ARL13B: variants seen among roughly 807,000 people sequenced by gnomAD.
ARL13B encodes ADP-ribosylation factor-like protein 13B.
A neutral mutation model predicts 56.1 loss-of-function variants in ARL13B; 36 were observed. The ratio of observed to expected loss-of-function variants is 0.64; its 90% CI spans 0.49 to 0.85. The LOEUF is 0.85. Ranked by LOEUF, ARL13B falls within the 40% of genes least tolerant of loss-of-function variation. The probability of loss-of-function intolerance (pLI) is 0.00; values close to 1 mark genes in which losing one functional copy is unlikely to be tolerated. For missense variants in ARL13B, 519 were observed against 507.1 expected, an observed-to-expected ratio of 1.02 and a Z score of -0.23; for synonymous variants, 178 against 171.1, an observed-to-expected ratio of 1.04 and a Z score of -0.32.
intron 1 of ARL13B, among the ~76,000 whole-genome samples, chr3:93,981,453 C>G (rs1188005544): frequency 6.6e-6 from 1 of 151,862 alleles, no homozygotes; most frequent in African/African-American, 2.4e-5. Context: ...AAAAGCTACA[C>G]TTACACATTA....
chr3:94,019,763 C>T (rs1468291314), intron 3 of ARL13B, among the ~76,000 whole-genome samples: 1 of 152,210 alleles, frequency 6.6e-6, no homozygotes, highest in Admixed American at 6.5e-5. Flanking sequence ...GACCTCACCT[C>T]CTACAACTCT....
intron 2 of ARL13B, among the ~76,000 whole-genome samples, chr3:93,997,195 C>T (rs574296784): frequency 2.0e-5 from 3 of 152,116 alleles, no homozygotes; most frequent in African/African-American, 7.2e-5. Context: ...AAATAAAGTG[C>T]ACAATAAATG....
Position 94,050,910 on chromosome 3 carries a change from G to A in ARL13B, c.1210+18G>A, listed in dbSNP as rs1333022092. The A allele has an allele frequency of 1.9e-6, 3 of 1,608,416 alleles. No homozygotes were observed. The highest frequency in any genetic ancestry group is 2.6e-6 in the Non-Finnish European group (3 of 1,175,800). ...TCATAATGGTAATGCAAAAGGATTG[G>A]TTTTCAGATATCATCTGTACATGTC... On this transcript the variant is annotated intron_variant, in intron 9 of 9. Transcript: ENST00000394222.
At chr3:94,005,825 AAGAT>A (rs770839220) in intron 3 of ARL13B, among the ~76,000 whole-genome samples, 5 of 152,214 alleles carry the variant, frequency 3.3e-5, no homozygotes, top group Non-Finnish European at 4.4e-5. Context: ...GTAAATTTCA[AAGAT>A]AGAGGGAAAG....
At chr3:94,001,694 C>T (rs992958961) in intron 2 of ARL13B, among the ~76,000 whole-genome samples, 13 of 152,048 alleles carry the variant, frequency 8.5e-5, no homozygotes, top group Non-Finnish European at 1.5e-4. Flanking sequence ...ATCTTTGCAC[C>T]CTTGATGCCT....
intron 3 of ARL13B, among the ~76,000 whole-genome samples, chr3:94,004,424 A>G (rs963667012): frequency 6.6e-6 from 1 of 152,136 alleles, no homozygotes; most frequent in African/African-American, 2.4e-5. Context: ...CATGTGGGTG[A>G]ACATTTTTTA....
At chr3:94,031,873 A>G (rs2076682476) in intron 3 of ARL13B, among the ~76,000 whole-genome samples, 1 of 152,334 alleles carries the variant, frequency 6.6e-6, no homozygotes, top group South Asian at 2.1e-4. Flanking sequence ...TTCAATTGCC[A>G]TATGCAGAAG....
At position 93,980,167 on chromosome 3, in the gene ARL13B, C is replaced by T. The variant is rs73846074; in HGVS notation, c.-257C>T. ...ACGTCGACGCGGGGCTTTTCTTTAG[C>T]CGGGTCCCGCTAACTCGGCTACGGT... is the stretch of plus-strand genomic sequence containing the variant. On this transcript the variant is annotated 5_prime_UTR_variant, in exon 1 of 10. Transcript: ENST00000394222. The T allele has an allele frequency of 2.5e-3, 1,606 of 642,868 alleles. 7 individuals are homozygous for T. The highest frequency in any genetic ancestry group is 0.011 in the African/African-American group (637 of 55,768). 39.8% of individuals were successfully genotyped at this position (642,868 alleles called of 1,614,324 possible).
Position 94,036,629 on chromosome 3 carries a change from T to G in ARL13B, c.564T>G (p.His188Gln), listed in dbSNP as rs1186826151. ...SIKKGLYWLL[H>Q]VIARDFDALN... is the part of the protein sequence containing the mutation. ...AAAAAGGCCTTTATTGGCTGCTACA[T>G]GTTATTGCAAGAGACTTTGATGCCT... The change falls in exon 5 of 10, where the codon CAT (histidine) becomes CAG (glutamine). Residue 188 changes from histidine to glutamine, a missense_variant. Physicochemically the swap from His to Gln is conservative, Grantham distance 24. Transcript: ENST00000394222. 6.2e-7 allele frequency: 1 copy of G among 1,613,960 alleles called. No homozygotes were observed. Among genetic ancestry groups the G allele is most frequent in the African/African-American group, 1.3e-5 (1 of 74,902 alleles).
At chr3:93,999,094 TTTA>T (rs1246986400) in intron 2 of ARL13B, among the ~76,000 whole-genome samples, 43 of 150,472 alleles carry the variant, frequency 2.9e-4, no homozygotes, top group Admixed American at 2.8e-3. Flanking sequence ...ATTCTATTTA[TTTA>T]TTTATTTATT....
chr3:94,003,658 G>C lies in ARL13B; in HGVS notation c.131-1G>C, dbSNP rs373604132. 1.2e-6 allele frequency: 2 copies of C among 1,612,692 alleles called. No individual in the cohort carries two copies. Among genetic ancestry groups the C allele is most frequent in the Non-Finnish European group, 1.7e-6 (2 of 1,179,348 alleles). ...CTTTTTTTGTGTATCATTTGTAACA[G>C]AATACCCTGAAGATGTAGCTCCTAC... is the stretch of plus-strand genomic sequence containing the variant. On this transcript the variant is annotated splice_acceptor_variant, in intron 2 of 9. Transcript: ENST00000394222. LOFTEE classifies it high-confidence loss of function.
Position 94,051,676 on chromosome 3 carries a change from A to G in ARL13B, c.1210+784A>G, listed in dbSNP as rs191817446. On this transcript the variant is annotated intron_variant, in intron 9 of 9. Transcript: ENST00000394222. Reference sequence around the variant, plus strand: ...TAAACTTGTTTGTTAAGAACATCCAATTCCTTTTTGGACAGCTCTGTGTTT... The same window carrying G: ...TAAACTTGTTTGTTAAGAACATCCAGTTCCTTTTTGGACAGCTCTGTGTTT... 9.2e-5 allele frequency among the ~76,000 whole-genome samples: 14 copies of G among 152,216 alleles called. No individual in the cohort carries two copies. In the East Asian group the frequency reaches 2.3e-3, roughly 25 times the overall value.
intron 1 of ARL13B, among the ~76,000 whole-genome samples, chr3:93,991,059 G>C (rs2075867081): frequency 6.6e-6 from 1 of 152,106 alleles, no homozygotes; most frequent in Non-Finnish European, 1.5e-5. Flanking sequence ...ACTGTCACTA[G>C]AGGTTGAGCA....
intron 8 of ARL13B, among the ~76,000 whole-genome samples, chr3:94,049,770 T>C (rs1180902934): frequency 6.6e-6 from 1 of 152,044 alleles, no homozygotes; most frequent in African/African-American, 2.4e-5. Context: ...TTACCCAGTA[T>C]TTCCTAGAAT....
chr3:93,988,969 G>T, intron 1 of ARL13B: 1 of 303,450 alleles, frequency 3.3e-6, no homozygotes, highest in South Asian at 3.0e-5. Flanking sequence ...AGGGGCACTT[G>T]CTGGGCACCT....
At chr3:93,985,609 A>C in intron 1 of ARL13B, among the ~76,000 whole-genome samples, 1 of 152,208 alleles carries the variant, frequency 6.6e-6, no homozygotes, top group East Asian at 1.9e-4. Flanking sequence ...ACTGTTATTT[A>C]ACCAAAAAGA....
At chr3:94,052,565 ATTAGGT>A (rs1337014645) in intron 9 of ARL13B, among the ~76,000 whole-genome samples, 1 of 152,070 alleles carries the variant, frequency 6.6e-6, no homozygotes, top group African/African-American at 2.4e-5. Context: ...GTGACAGGAG[ATTAGGT>A]TTATGTGCAT....
chr3:94,043,807 GC>G (rs1163832803), intron 7 of ARL13B, among the ~76,000 whole-genome samples: 3 of 145,774 alleles, frequency 2.1e-5, no homozygotes, highest in African/African-American at 7.7e-5. Flanking sequence ...CCAGGCACGC[GC>G]CGCCACTCCT....
rs2076891815 is a variant in ARL13B at position 94,043,114 on chromosome 3, A to T, written c.898A>T (p.Thr300Ser). 5 of 1,613,798 alleles carry T rather than the reference A, an allele frequency of 3.1e-6. No homozygotes were observed. In the South Asian group the frequency reaches 5.5e-5, roughly 18 times the overall value. The change falls in exon 7 of 10, where the codon ACA becomes TCA. Residue 300 changes from threonine (T) to serine (S), a missense_variant. Thr to Ser is a moderately conservative substitution (Grantham distance 58, BLOSUM62 1). Transcript: ENST00000394222. ...KHKMEHEQIE[T>S]QGQVNHNGQK... The stretch of plus-strand genomic sequence containing the variant: ...TAAAATGGAGCATGAGCAAATAGAG[A>T]CACAAGGCCAGGTTAATCACAATGG...
Sources: gnomAD v4.1 joint callset for allele counts (sites outside exome capture counted in the v4.1 genomes callset) on GRCh38, gnomAD v4.1.1 for gene constraint, MANE v1.5 for transcripts, NCBI Gene and HGNC (gene_info 2026-07-23, HGNC 2026-07-21) for gene names.